Variants in TMEM272 observed in about 807,000 individuals in gnomAD.
The protein encoded by TMEM272 is transmembrane protein 272, also known as long intergenic non-protein coding RNA 282.
A neutral mutation model predicts 3.7 loss-of-function variants in TMEM272; 8 were observed. That is an observed-to-expected ratio of 2.17 (90% CI 1.27 to 3.91). TMEM272 has a LOEUF of 3.91. Among genes scored for constraint, TMEM272 ranks in the 30% most tolerant of loss-of-function variants. The pLI, the probability that TMEM272 is intolerant of heterozygous loss-of-function variation, is 0.00. For missense variants in TMEM272, 166 were observed against 91.5 expected (o/e 1.81, Z -3.32); for synonymous variants, 63 against 39.8 (o/e 1.58, Z -2.20).
At chr13:51,919,532 A>AC in the TMEM272 span, among the ~76,000 whole-genome samples, 1 of 151,756 alleles carries the variant, frequency 6.6e-6, no homozygotes, top group Non-Finnish European at 1.5e-5. Context: ...ACATAAAATT[A>AC]TTTTTTTTAA....
At chr13:51,916,726 T>C in the TMEM272 span, among the ~76,000 whole-genome samples, 2 of 152,196 alleles carry the variant, frequency 1.3e-5, no homozygotes, top group East Asian at 1.9e-4. Context: ...TTAAGTTTCA[T>C]CTTTTAAATC....
At chr13:51,912,396 G>A in the TMEM272 span, among the ~76,000 whole-genome samples, 24 of 152,138 alleles carry the variant, frequency 1.6e-4, no homozygotes, top group African/African-American at 5.3e-4. Context: ...CAGGAGCACC[G>A]AGCCATGCCT....
the TMEM272 span, among the ~76,000 whole-genome samples, chr13:51,915,734 T>G: frequency 3.3e-5 from 5 of 152,208 alleles, no homozygotes; most frequent in African/African-American, 4.8e-5. Context: ...ATCTCACTCA[T>G]TCAAACTAAT....
chr13:51,839,277 A>G (rs1275690424), intron 1 of TMEM272, among the ~76,000 whole-genome samples: 1 of 152,168 alleles, frequency 6.6e-6, no homozygotes, highest in Non-Finnish European at 1.5e-5. Flanking sequence ...AATCCACAAA[A>G]AAACTCCAGC....
chr13:51,849,812 G>A (rs140750159), upstream of TMEM272, among the ~76,000 whole-genome samples: 532 of 152,318 alleles, frequency 3.5e-3, 5 homozygotes, highest in African/African-American at 0.012. Context: ...GTTCCCAGGG[G>A]CAAGTGTCAG....
the TMEM272 span, among the ~76,000 whole-genome samples, chr13:51,911,248 A>G: frequency 6.6e-6 from 1 of 152,236 alleles, no homozygotes; most frequent in Non-Finnish European, 1.5e-5. Context: ...AGAGAGATTT[A>G]TTAAGCTCCT....
At chr13:51,831,440 A>T (rs1956172680) in intron 2 of TMEM272, among the ~76,000 whole-genome samples, 2 of 152,062 alleles carry the variant, frequency 1.3e-5, no homozygotes, top group African/African-American at 2.4e-5. Context: ...ATAAAATAAA[A>T]GCAACTCTCA....
chr13:51,880,400 C>T, the TMEM272 span, among the ~76,000 whole-genome samples: 1 of 152,024 alleles, frequency 6.6e-6, no homozygotes, highest in South Asian at 2.1e-4. Flanking sequence ...AGGCATGGGC[C>T]TGTAGTATTA....
chr13:51,922,802 C>T, the TMEM272 span, among the ~76,000 whole-genome samples: 2 of 152,204 alleles, frequency 1.3e-5, no homozygotes, highest in Non-Finnish European at 2.9e-5. Context: ...CAGTCCTTGG[C>T]TTGTGGCCCT....
At chr13:51,853,246 T>G in the TMEM272 span, among the ~76,000 whole-genome samples, 1 of 151,924 alleles carries the variant, frequency 6.6e-6, no homozygotes, top group South Asian at 2.1e-4. Flanking sequence ...CCATCTCTAC[T>G]AAAAAATACA....
the TMEM272 span, chr13:51,908,519 A>G: frequency 6.9e-7 from 1 of 1,455,158 alleles, no homozygotes; most frequent in Non-Finnish European, 9.6e-7. Flanking sequence ...TATCCACTGG[A>G]AACAATGGAC....
At chr13:51,824,954 A>G (rs954284302) in intron 3 of TMEM272, among the ~76,000 whole-genome samples, 5 of 152,212 alleles carry the variant, frequency 3.3e-5, no homozygotes, top group African/African-American at 1.2e-4. Flanking sequence ...CCCTGTCTCA[A>G]AAGAAAGCAA....
At chr13:51,831,250 C>T (rs1316075091) in intron 2 of TMEM272, among the ~76,000 whole-genome samples, 2 of 152,100 alleles carry the variant, frequency 1.3e-5, no homozygotes, top group African/African-American at 2.4e-5. Flanking sequence ...GGCAAAACCC[C>T]GTCTCTACAA....
chr13:51,922,798 T>C, the TMEM272 span, among the ~76,000 whole-genome samples: 5 of 152,186 alleles, frequency 3.3e-5, no homozygotes, highest in African/African-American at 1.2e-4. Flanking sequence ...ACCACAGTCC[T>C]TGGCTTGTGG....
At chr13:51,829,476 TAGAG>T (rs2139567316) in intron 2 of TMEM272, among the ~76,000 whole-genome samples, 1 of 152,316 alleles carries the variant, frequency 6.6e-6, no homozygotes, top group South Asian at 2.1e-4. Flanking sequence ...TGTGGTGAAT[TAGAG>T]AGAATTTCAG....
chr13:51,880,275 CAAAAAAAA>C, the TMEM272 span, among the ~76,000 whole-genome samples: 16 of 129,316 alleles, frequency 1.2e-4, no homozygotes, highest in Admixed American at 2.3e-4. Context: ...TTCCTTTCAC[CAAAAAAAA>C]AAAAAAAAAA....
At chr13:51,859,377 G>A in the TMEM272 span, among the ~76,000 whole-genome samples, 1 of 151,964 alleles carries the variant, frequency 6.6e-6, no homozygotes, top group Admixed American at 6.6e-5. Flanking sequence ...GACCTGAGAA[G>A]GCCATAATCT....
chr13:51,927,079 G>C, the TMEM272 span, among the ~76,000 whole-genome samples: 3 of 152,122 alleles, frequency 2.0e-5, no homozygotes, highest in African/African-American at 7.2e-5. Context: ...GGCAATATCA[G>C]CTTCTTTGAG....
chr13:51,909,890 T>C, the TMEM272 span: 1 of 1,598,498 alleles, frequency 6.3e-7, no homozygotes, highest in Non-Finnish European at 8.6e-7. Context: ...CTTCAAATGT[T>C]ATTTTCTGTT....
Sources: gnomAD v4.1 joint callset for allele counts (sites outside exome capture counted in the v4.1 genomes callset) on GRCh38, gnomAD v4.1.1 for gene constraint, MANE v1.5 for transcripts, NCBI Gene and HGNC (gene_info 2026-07-23, HGNC 2026-07-21) for gene names.